The following SLC16A10 variants were observed in gnomAD, a reference collection of about 807,000 sequenced individuals.
SLC16A10 encodes the protein solute carrier family 16 member 10.
A neutral mutation model predicts 40.0 loss-of-function variants in SLC16A10; 27 were observed. That is an observed-to-expected ratio of 0.67 (90% CI 0.50 to 0.93). The LOEUF (loss-of-function observed/expected upper bound fraction) is 0.93. Ranked by LOEUF, SLC16A10 falls within the 40% of genes least tolerant of loss-of-function variation. The probability of loss-of-function intolerance (pLI) is 0.00; values close to 1 mark genes in which losing one functional copy is unlikely to be tolerated. For missense variants in SLC16A10, 529 were observed against 658.2 expected (o/e 0.80, Z 2.15); for synonymous variants, 213 against 249.8 (o/e 0.85, Z 1.39).
chr6:111,180,095 T>C (rs940620355), intron 3 of SLC16A10, among the ~76,000 whole-genome samples: 2 of 152,260 alleles, frequency 1.3e-5, no homozygotes, highest in African/African-American at 4.8e-5. Context: ...AAATTTGCTC[T>C]GAAGGAGCAT....
rs945842260 is a variant in SLC16A10 at position 111,098,349 on chromosome 6, G to C, written c.343+10254G>C. ...TAGGTGGAAGGATCGCTTGAGTCCA[G>C]GAGTTCAAGAACAGCCTGGGCAACA... is the stretch of plus-strand genomic sequence containing the variant. On this transcript the variant is annotated intron_variant, in intron 1 of 5. Coordinates refer to ENST00000368851, the MANE Select transcript of SLC16A10 (RefSeq NM_018593.5). 5.3e-5 allele frequency among the ~76,000 whole-genome samples: 8 copies of C among 152,180 alleles called. 1 individual carries two copies. In the South Asian group the frequency reaches 1.5e-3, roughly 28 times the overall value.
In SLC16A10 at chr6:111,229,022, T is replaced by G. The variant is rs1428935525; in HGVS notation, c.*6787T>G. On this transcript the variant is annotated 3_prime_UTR_variant, in exon 6 of 6. Transcript: ENST00000368851. Reference sequence around the variant, plus strand: ...CCAGCCTGGGCAACAAGAGCAAAACTCTGTCTCAAAAAAAAAAAAAAAAAA... The same window carrying G: ...CCAGCCTGGGCAACAAGAGCAAAACGCTGTCTCAAAAAAAAAAAAAAAAAA... The G allele has an allele frequency of 1.0e-5, 1 of 95,250 alleles. No individual in the cohort carries two copies. Among genetic ancestry groups the G allele is most frequent in the Non-Finnish European group, 2.1e-5 (1 of 48,410 alleles). 5.9% of individuals were successfully genotyped at this position (95,250 alleles called of 1,614,324 possible). A position where few individuals can be genotyped will look rare whatever the true frequency, so the allele number is the denominator to read the frequency against.
intron 1 of SLC16A10, among the ~76,000 whole-genome samples, chr6:111,170,561 C>G (rs1425276761): frequency 6.6e-6 from 1 of 151,950 alleles, no homozygotes; most frequent in East Asian, 2.0e-4. Context: ...GTGATTCTCC[C>G]ATCTCAGCCT....
chr6:111,188,832 C>T (rs1325590845), intron 3 of SLC16A10, among the ~76,000 whole-genome samples: 1 of 152,224 alleles, frequency 6.6e-6, no homozygotes, highest in African/African-American at 2.4e-5. Flanking sequence ...ATTCAACTCT[C>T]ATGGTAACCT....
intron 3 of SLC16A10, among the ~76,000 whole-genome samples, chr6:111,182,292 C>T (rs1431780003): frequency 2.7e-5 from 4 of 149,858 alleles, no homozygotes; most frequent in Non-Finnish European, 4.4e-5. Flanking sequence ...TGAGCCACCA[C>T]GCCTGGCCTC....
chr6:111,139,080 T>TTTC lies in SLC16A10; in HGVS notation c.344-33603_344-33601dup, dbSNP rs201913433. ...TTCCTTCTCCCTGCTGGCTTTTTTTTTTCTTCTTCTTCTTTTTTTTTTTTT... is the reference window on the plus strand; with the variant it reads ...TTCCTTCTCCCTGCTGGCTTTTTTTTTTCTTCTTCTTCTTCTTTTTTTTTTTTT... On this transcript the variant is annotated intron_variant, in intron 1 of 5. Coordinates refer to ENST00000368851, the MANE Select transcript of SLC16A10 (RefSeq NM_018593.5). 5.5e-3 allele frequency among the ~76,000 whole-genome samples: 715 copies of TTTC among 128,944 alleles called. 72 individuals carry two copies. The highest frequency in any genetic ancestry group is 0.018 in the Middle Eastern group (4 of 220). 84.6% of individuals were successfully genotyped at this position (128,944 alleles called of 152,430 possible).
At chr6:111,095,101 A>T (rs1196621102) in intron 1 of SLC16A10, among the ~76,000 whole-genome samples, 1 of 152,122 alleles carries the variant, frequency 6.6e-6, no homozygotes. Flanking sequence ...CAAACTCCCT[A>T]CTCCGAAGGC....
intron 3 of SLC16A10, chr6:111,178,569 AGAAG>A (rs146542297): frequency 0.025 from 8,546 of 348,680 alleles, 345 homozygotes; most frequent in African/African-American, 0.12. Context: ...AAAAAAAAAA[AGAAG>A]GAAGAAGCAG....
At chr6:111,131,578 C>T (rs549536874) in intron 1 of SLC16A10, among the ~76,000 whole-genome samples, 118 of 152,234 alleles carry the variant, frequency 7.8e-4, no homozygotes, top group Middle Eastern at 3.4e-3. Flanking sequence ...AGGAAAATAC[C>T]GGGCACCTGT....
chr6:111,175,986 C>T (rs536153256), intron 2 of SLC16A10, among the ~76,000 whole-genome samples: 14 of 152,108 alleles, frequency 9.2e-5, no homozygotes, highest in South Asian at 4.1e-4. Context: ...TGAGCCACCA[C>T]GTCTGGCCAA....
chr6:111,170,886 C>T (rs1461975762), intron 1 of SLC16A10, among the ~76,000 whole-genome samples: 1 of 152,130 alleles, frequency 6.6e-6, no homozygotes, highest in East Asian at 1.9e-4. Flanking sequence ...GCCTGTAATG[C>T]CAGCAATTTG....
intron 1 of SLC16A10, among the ~76,000 whole-genome samples, chr6:111,115,886 T>A (rs1291945867): frequency 6.6e-6 from 1 of 152,184 alleles, no homozygotes; most frequent in East Asian, 1.9e-4. Context: ...GTTTGCTTAT[T>A]CCTCAGGCAG....
chr6:111,200,404 G>C (rs1241468827), intron 3 of SLC16A10, among the ~76,000 whole-genome samples: 1 of 152,120 alleles, frequency 6.6e-6, no homozygotes, highest in Non-Finnish European at 1.5e-5. Flanking sequence ...GTGTTTTCTG[G>C]TGTAAAGGGA....
chr6:111,170,276 T>C (rs899262150), intron 1 of SLC16A10, among the ~76,000 whole-genome samples: 1 of 152,192 alleles, frequency 6.6e-6, no homozygotes, highest in African/African-American at 2.4e-5. Flanking sequence ...TATAAGGATA[T>C]GCTCTTGGGT....
intron 1 of SLC16A10, among the ~76,000 whole-genome samples, chr6:111,157,757 T>A: frequency 6.6e-6 from 1 of 151,904 alleles, no homozygotes; most frequent in African/African-American, 2.4e-5. Flanking sequence ...TATCTATGAG[T>A]CCATAATGAT....
chr6:111,113,655 C>A (rs953375004), intron 1 of SLC16A10, among the ~76,000 whole-genome samples: 3 of 151,960 alleles, frequency 2.0e-5, no homozygotes, highest in African/African-American at 7.3e-5. Flanking sequence ...TGTGTTTAAG[C>A]GTGTAAGGCA....
At position 111,230,008 on chromosome 6, in the gene SLC16A10, T is replaced by TTTTTTTTTTTTA. The variant is rs1562441687; in HGVS notation, c.*7773_*7774insTTTTTTTTTTTA. On this transcript the variant is annotated 3_prime_UTR_variant, in exon 6 of 6. Coordinates refer to ENST00000368851, the MANE Select transcript of SLC16A10 (RefSeq NM_018593.5). ...TTTGTTTCTTTTTTTTTTTTTTTTT[T>TTTTTTTTTTTTA]GAGATGGAGTCTTGCTCTATTGCCA... 1 of 146,840 alleles carries TTTTTTTTTTTTA rather than the reference T, an allele frequency of 6.8e-6. No individual in the cohort carries two copies. The highest frequency in any genetic ancestry group is 2.5e-5 in the African/African-American group (1 of 39,396). 9.1% of individuals were successfully genotyped at this position (146,840 alleles called of 1,614,324 possible). A position where few individuals can be genotyped will look rare whatever the true frequency, so the allele number is the denominator to read the frequency against.
intron 3 of SLC16A10, among the ~76,000 whole-genome samples, chr6:111,201,192 G>A (rs574202595): frequency 1.3e-5 from 2 of 152,316 alleles, no homozygotes; most frequent in East Asian, 3.9e-4. Flanking sequence ...GGACAGAGAT[G>A]AGAGAATCAA....
Position 111,087,849 on chromosome 6 carries a change from C to G in SLC16A10, c.97C>G (p.Pro33Ala), listed in dbSNP as rs907386527. The change falls in exon 1 of 6, where the codon CCG (proline) becomes GCG (alanine). Residue 33 changes from proline (P) to alanine (A), a missense_variant. Pro to Ala is a conservative substitution (Grantham distance 27, BLOSUM62 -1). Transcript: ENST00000368851. ...APTGAAPPPG[P>A]GPSDSPEAAV... is the part of the protein sequence containing the mutation. ...CACGGGGGCCGCTCCGCCGCCCGGCCCGGGACCCTCGGACAGCCCCGAGGC... is the reference window on the plus strand; with the variant it reads ...CACGGGGGCCGCTCCGCCGCCCGGCGCGGGACCCTCGGACAGCCCCGAGGC... 13 of 1,420,552 alleles carry G rather than the reference C, an allele frequency of 9.2e-6. No individual in the cohort carries two copies. The African/African-American group carries it at 1.4e-4, about 15-fold the overall frequency. The allele number at this position is 1,420,552 out of a possible 1,614,324, so 88.0% of individuals were successfully genotyped here.
Sources: allele counts gnomAD v4.1 joint callset (sites outside exome capture counted in the v4.1 genomes callset), GRCh38; gene constraint gnomAD v4.1.1; transcripts MANE v1.5; gene names NCBI Gene and HGNC (gene_info 2026-07-23, HGNC 2026-07-21).